IFT74: variants seen among roughly 807,000 people sequenced by gnomAD.
IFT74 encodes intraflagellar transport 74, also known as intraflagellar transport protein 74 homolog.
A neutral mutation model predicts 96.7 loss-of-function variants in IFT74; 92 were observed. That is an observed-to-expected ratio of 0.95 (90% confidence interval 0.80 to 1.13). The LOEUF (loss-of-function observed/expected upper bound fraction) is 1.13, where lower values mean the gene tolerates loss of function less well. IFT74 is among the 50% of genes most tolerant of loss of function. The pLI, the probability that IFT74 is intolerant of heterozygous loss-of-function variation, is 0.00. For missense variants in IFT74, 811 were observed against 698.2 expected, an observed-to-expected ratio of 1.16 and a Z score of -1.82; for synonymous variants, 223 against 213.2, an observed-to-expected ratio of 1.05 and a Z score of -0.40.
chr9:26,948,647 A>G (rs1476392914), intron 1 of IFT74, among the ~76,000 whole-genome samples: 2 of 151,624 alleles, frequency 1.3e-5, no homozygotes, highest in South Asian at 4.2e-4. Context: ...TTGTGTTTTT[A>G]GTAGAAACGA....
chr9:27,038,246 A>G (rs1819292824), intron 13 of IFT74, among the ~76,000 whole-genome samples: 1 of 152,044 alleles, frequency 6.6e-6, no homozygotes, highest in African/African-American at 2.4e-5. Context: ...TGCAGAAGTC[A>G]GGAATATGGT....
chr9:26,993,373 AAAAC>A (rs1827975279), intron 8 of IFT74: 1 of 152,378 alleles, frequency 6.6e-6, no homozygotes, highest in Non-Finnish European at 1.5e-5. Context: ...ATTAAGGTTT[AAAAC>A]AAAGTATAAT....
At chr9:27,057,763 C>T (rs1476443146) in intron 18 of IFT74, among the ~76,000 whole-genome samples, 3 of 151,916 alleles carry the variant, frequency 2.0e-5, no homozygotes, top group Non-Finnish European at 4.4e-5. Context: ...GAGGCTGAGG[C>T]AGGAGAATGG....
chr9:26,996,425 C>G, intron 8 of IFT74: 1 of 1,605,978 alleles, frequency 6.2e-7, no homozygotes, highest in East Asian at 2.2e-5. Flanking sequence ...TGGCATTCAG[C>G]CTTATGAGGT....
At chr9:27,024,229 C>G (rs1266625730) in intron 12 of IFT74, among the ~76,000 whole-genome samples, 1 of 152,178 alleles carries the variant, frequency 6.6e-6, no homozygotes, top group Non-Finnish European at 1.5e-5. Context: ...GTGCACGAAA[C>G]AAAACTACAA....
intron 9 of IFT74, among the ~76,000 whole-genome samples, 195 bp downstream of exon 9, chr9:27,009,353 A>G (rs1009827793): frequency 2.6e-5 from 4 of 152,190 alleles, no homozygotes; most frequent in African/African-American, 9.6e-5. Context: ...CTTCATTTTC[A>G]TCTGCTGTTT....
At chr9:26,951,625 G>A (rs191139053), upstream of IFT74, among the ~76,000 whole-genome samples, 18 of 152,280 alleles carry the variant, frequency 1.2e-4, 1 homozygote, top group East Asian at 2.7e-3. Context: ...TGGGCTGGGC[G>A]CAATGGCTCA....
chr9:26,992,539 A>G (rs1199995624), intron 8 of IFT74, among the ~76,000 whole-genome samples: 2 of 152,100 alleles, frequency 1.3e-5, no homozygotes, highest in Non-Finnish European at 2.9e-5. Context: ...CTAAAAATAT[A>G]AAAATTAGCT....
intron 1 of IFT74, among the ~76,000 whole-genome samples, chr9:26,948,449 T>TTATTATTA (rs1563926434): frequency 2.4e-4 from 6 of 25,472 alleles, no homozygotes; most frequent in African/African-American, 5.1e-4. Flanking sequence ...CTTTCCATTA[T>TTATTATTA]TTTTTTTTTT....
intron 8 of IFT74, chr9:26,995,754 G>A (rs768302721): frequency 4.3e-5 from 70 of 1,613,634 alleles, no homozygotes; most frequent in South Asian, 1.1e-4. Flanking sequence ...TACCATATTG[G>A]GCATTTGATA....
At chr9:26,963,400 A>G (rs1826456447) in intron 2 of IFT74, among the ~76,000 whole-genome samples, 1 of 150,810 alleles carries the variant, frequency 6.6e-6, no homozygotes, top group Admixed American at 6.7e-5. Flanking sequence ...GCTATTGTGA[A>G]TAATGCCGCA....
At chr9:27,044,271 C>G (rs1819598170) in intron 13 of IFT74, among the ~76,000 whole-genome samples, 1 of 152,176 alleles carries the variant, frequency 6.6e-6, no homozygotes, top group South Asian at 2.1e-4. Context: ...CTCTGTAACC[C>G]TAACCTAGAT....
intron 16 of IFT74, among the ~76,000 whole-genome samples, chr9:27,050,102 G>T (rs375629890): frequency 6.6e-6 from 1 of 151,970 alleles, no homozygotes; most frequent in East Asian, 1.9e-4. Context: ...TCATTGCCCA[G>T]GCTGGAGTGC....
At chr9:27,025,443 C>CAAAAAAAAAAAAAAAAAAAA (rs57335230) in intron 12 of IFT74, among the ~76,000 whole-genome samples, 1 of 77,716 alleles carries the variant, frequency 1.3e-5, no homozygotes, top group Non-Finnish European at 2.5e-5. Flanking sequence ...ACTCCATCTC[C>CAAAAAAAAAAAAAAAAAAAA]AAAAAAAAAA....
At chr9:26,998,315 G>T in intron 8 of IFT74, 4 of 920,966 alleles carry the variant, frequency 4.3e-6, no homozygotes, top group Non-Finnish European at 4.6e-6. Flanking sequence ...TCATATTTAA[G>T]CACTTAGACA....
intron 13 of IFT74, among the ~76,000 whole-genome samples, chr9:27,035,097 C>T (rs933409009): frequency 6.6e-6 from 1 of 152,148 alleles, no homozygotes; most frequent in Non-Finnish European, 1.5e-5. Context: ...TATATAAACA[C>T]AAAACACATT....
chr9:26,947,282 A>G (rs1825768996), intron 1 of IFT74: 4 of 529,898 alleles, frequency 7.5e-6, no homozygotes, highest in Admixed American at 3.9e-5. Context: ...TCAGCCCTCC[A>G]TGACGCAGAG....
chr9:27,011,458 ATG>A (rs1430355402), intron 9 of IFT74, among the ~76,000 whole-genome samples: 4 of 152,188 alleles, frequency 2.6e-5, no homozygotes, highest in African/African-American at 9.7e-5. Flanking sequence ...CATGTGTTAT[ATG>A]TGTGTGTACA....
At chr9:27,013,581 T>A (rs1191969521) in intron 10 of IFT74, among the ~76,000 whole-genome samples, 1 of 152,262 alleles carries the variant, frequency 6.6e-6, no homozygotes, top group African/African-American at 2.4e-5. Context: ...TATCTGACTT[T>A]TCCAGTTTTA....
Sources: gnomAD v4.1 joint callset for allele counts (sites outside exome capture counted in the v4.1 genomes callset) on GRCh38, gnomAD v4.1.1 for gene constraint, MANE v1.5 for transcripts, NCBI Gene and HGNC (gene_info 2026-07-23, HGNC 2026-07-21) for gene names.